The following BRD2 variants were observed in gnomAD, a reference collection of about 807,000 sequenced individuals.
BRD2 encodes bromodomain containing 2.
BRD2 carries 15 observed loss-of-function variants against 79.1 expected under a neutral mutation model. That is an observed-to-expected ratio of 0.19 (90% confidence interval 0.13 to 0.29). BRD2 has a LOEUF of 0.29. Ranked by LOEUF, BRD2 falls within the 10% of genes least tolerant of loss-of-function variation. The pLI is 1.00. For missense variants in BRD2, 1,053 were observed against 991.3 expected (o/e 1.06, Z -0.84); for synonymous variants, 488 against 358.6 (o/e 1.36, Z -4.08).
Position 32,969,059 on chromosome 6 carries a change from G to A in BRD2, c.-1305+3G>A. ...CCCTGGAAGGCTTTAGGATCCAGGT[G>A]AGAAGGGGCCCTTGTGGGGCGGAGA... On this transcript the variant is annotated splice_donor_region_variant and intron_variant, in intron 1 of 12. Coordinates refer to ENST00000374825, the MANE Select transcript of BRD2 (RefSeq NM_005104.4). The A allele has an allele frequency of 2.1e-6, 1 of 465,816 alleles. No homozygotes were observed. The highest frequency in any genetic ancestry group is 3.7e-5 in the South Asian group (1 of 27,166). 28.9% of individuals were successfully genotyped at this position (465,816 alleles called of 1,614,324 possible).
chr6:32,977,475 C>A lies in BRD2; in HGVS notation c.1234C>A (p.Gln412Lys). The A allele has an allele frequency of 6.2e-7, 1 of 1,614,000 alleles. No individual in the cohort carries two copies. Among genetic ancestry groups the A allele is most frequent in the Non-Finnish European group, 8.5e-7 (1 of 1,180,038 alleles). Residue 412 changes from glutamine to lysine, a missense_variant, in exon 8 of 13, where the codon CAG becomes AAG. Physicochemically the swap from Gln to Lys is moderately conservative, Grantham distance 53 (BLOSUM62 1). Around this residue, in one of 5 missense-constraint regions of BRD2, gnomAD observed 454 missense variants for 430.5 expected, o/e 1.05. Transcript: ENST00000374825. ...KMENRDYRDA[Q>K]EFAADVRLMF... Reference sequence around the variant, plus strand: ...GGAGAACCGTGATTACCGGGATGCACAGGAGTTTGCTGCTGATGTACGGCT... The same window carrying A: ...GGAGAACCGTGATTACCGGGATGCAAAGGAGTTTGCTGCTGATGTACGGCT...
At chr6:32,973,732 T>G (rs1582892968) in intron 2 of BRD2, among the ~76,000 whole-genome samples, 1 of 152,156 alleles carries the variant, frequency 6.6e-6, no homozygotes, top group African/African-American at 2.4e-5. Flanking sequence ...AAGGGGGCTA[T>G]CACTTGGTGA....
intron 10 of BRD2, 174 bp downstream of exon 10, chr6:32,978,562 C>G: frequency 9.5e-7 from 1 of 1,057,392 alleles, no homozygotes. Context: ...ACAGATTTTA[C>G]CACAGACAGG....
rs78300601 is a variant in BRD2 at position 32,980,944 on chromosome 6, C to G, written c.*226C>G. ...TCCCAGCCCCATTGGGGAGTGATCTCTTGGACACAGAGCCCCCATTCAAAA... is the reference window on the plus strand; with the variant it reads ...TCCCAGCCCCATTGGGGAGTGATCTGTTGGACACAGAGCCCCCATTCAAAA... On this transcript the variant is annotated 3_prime_UTR_variant, in exon 13 of 13. Transcript: ENST00000374825. 0.067 allele frequency: 38,965 copies of G among 584,202 alleles called. 2,100 individuals carry two copies. Among genetic ancestry groups the G allele is most frequent in the East Asian group, 0.18 (5,999 of 33,320 alleles). The allele number at this position is 584,202 out of a possible 1,614,324, so 36.2% of individuals were successfully genotyped here.
Position 32,980,873 on chromosome 6 carries a change from CAGGGACATTTACTGAAGG to C in BRD2, c.*164_*181del, listed in dbSNP as rs1454429059. 1.2e-6 allele frequency: 1 copy of C among 863,620 alleles called. No homozygotes were observed. Among genetic ancestry groups the C allele is most frequent in the East Asian group, 2.6e-5 (1 of 37,748 alleles). The allele number at this position is 863,620 out of a possible 1,614,324, so 53.5% of individuals were successfully genotyped here. On this transcript the variant is annotated 3_prime_UTR_variant, in exon 13 of 13. Coordinates refer to ENST00000374825, the MANE Select transcript of BRD2 (RefSeq NM_005104.4). ...CTGGCTCTGCAGTGGGGGAGGGATG[CAGGGACATTTACTGAAGG>C]AGGGACATGGACAAAACAACATTGA...
intron 7 of BRD2, 99 bp from the exon 8 acceptor site, chr6:32,977,343 T>C: frequency 2.5e-6 from 4 of 1,608,828 alleles, no homozygotes; most frequent in Non-Finnish European, 2.5e-6. Flanking sequence ...TCATCCCCAC[T>C]GTGCTCTCAA....
intron 10 of BRD2, chr6:32,978,887 G>C (rs1341839321): frequency 6.1e-6 from 1 of 163,154 alleles, no homozygotes; most frequent in African/African-American, 2.4e-5. Flanking sequence ...CTAGAAACAT[G>C]AAGATGGCTG....
In BRD2 at chr6:32,980,793, C is replaced by T. The variant is rs1284204216; in HGVS notation, c.*75C>T. ...ACCACCCTGCCCCACCTGCCCCTTC[C>T]CCCTTTGCTGTGACACTTCTTCATC... On this transcript the variant is annotated 3_prime_UTR_variant, in exon 13 of 13. Coordinates refer to ENST00000374825, the MANE Select transcript of BRD2 (RefSeq NM_005104.4). 35 of 1,558,192 alleles carry T rather than the reference C, an allele frequency of 2.2e-5. No homozygotes were observed. Among genetic ancestry groups the T allele is most frequent in the Non-Finnish European group, 3.0e-5 (34 of 1,138,890 alleles).
chr6:32,979,629 G>A, intron 10 of BRD2, 199 bp from the exon 11 acceptor site: 2 of 562,018 alleles, frequency 3.6e-6, no homozygotes, highest in East Asian at 5.7e-5. Flanking sequence ...TTAAAGACAT[G>A]TTATTGCCTA....
chr6:32,972,305 C>A lies in BRD2; in HGVS notation c.-594C>A. 2.5e-6 allele frequency: 1 copy of A among 397,406 alleles called. No homozygotes were observed. The highest frequency in any genetic ancestry group is 4.8e-6 in the Non-Finnish European group (1 of 208,610). 24.6% of individuals were successfully genotyped at this position (397,406 alleles called of 1,614,324 possible). A position where few individuals can be genotyped will look rare whatever the true frequency, so the allele number is the denominator to read the frequency against. On this transcript the variant is annotated 5_prime_UTR_variant, in exon 2 of 13. Coordinates refer to ENST00000374825, the MANE Select transcript of BRD2 (RefSeq NM_005104.4). ...GGCCGCCATTACAATCCACCTCCATCCGCTTGGAAATGGCCTTCGTCCCGG... is the reference window on the plus strand; with the variant it reads ...GGCCGCCATTACAATCCACCTCCATACGCTTGGAAATGGCCTTCGTCCCGG...
rs1778913765 is a variant in BRD2, at chr6:32,977,436, C to T, written c.1201-6C>T. 1.2e-6 allele frequency: 2 copies of T among 1,613,734 alleles called. No homozygotes were observed. Among genetic ancestry groups the T allele is most frequent in the African/African-American group, 2.7e-5 (2 of 74,920 alleles). ...GTGCAGCTTCTGATGCTGCCTCCTTCTGCAGCGGAAGATGGAGAACCGTGA... is the reference window on the plus strand; with the variant it reads ...GTGCAGCTTCTGATGCTGCCTCCTTTTGCAGCGGAAGATGGAGAACCGTGA... On this transcript the variant is annotated splice_region_variant and splice_polypyrimidine_tract_variant and intron_variant, in intron 7 of 12. Transcript: ENST00000374825.
chr6:32,972,486 T>G lies in BRD2; in HGVS notation c.-413T>G, dbSNP rs12234140. On this transcript the variant is annotated 5_prime_UTR_variant, in exon 2 of 13. Transcript: ENST00000374825. ...AGGCGGCGGCTCCCTAAACCACTTT[T>G]CGTGTTCATCCGCCTCCATCCGAGA... is the stretch of plus-strand genomic sequence containing the variant. 1.8e-3 allele frequency: 557 copies of G among 304,844 alleles called. 15 individuals are homozygous for G. The East Asian group carries it at 0.039, about 21-fold the overall frequency. The allele number at this position is 304,844 out of a possible 1,614,324, so 18.9% of individuals were successfully genotyped here.
chr6:32,973,892 C>T (rs147935966), intron 2 of BRD2, among the ~76,000 whole-genome samples: 1,929 of 152,148 alleles, frequency 0.013, 21 homozygotes, highest in African/African-American at 0.032. Flanking sequence ...TATGGTTCTT[C>T]CTCTGGGTTT....
Position 32,981,029 on chromosome 6 carries a change from G to A in BRD2, c.*311G>A, listed in dbSNP as rs1779480140. 4 of 360,796 alleles carry A rather than the reference G, an allele frequency of 1.1e-5. No homozygotes were observed. The highest frequency in any genetic ancestry group is 1.0e-5 in the Non-Finnish European group (2 of 191,570). The allele number at this position is 360,796 out of a possible 1,614,324, so 22.3% of individuals were successfully genotyped here. On this transcript the variant is annotated 3_prime_UTR_variant, in exon 13 of 13. Coordinates refer to ENST00000374825, the MANE Select transcript of BRD2 (RefSeq NM_005104.4). ...TGATCTGGAGTTACCTGAGGCCACAGCTGCCCTATTCACTTCTAAGGGCCC... is the reference window on the plus strand; with the variant it reads ...TGATCTGGAGTTACCTGAGGCCACAACTGCCCTATTCACTTCTAAGGGCCC...
At position 32,976,948 on chromosome 6, in the gene BRD2, A is replaced by G. The variant is rs774976624; in HGVS notation, c.1200+12A>G. The G allele has an allele frequency of 9.4e-6, 15 of 1,590,846 alleles. No homozygotes were observed. The highest frequency in any genetic ancestry group is 2.2e-5 in the East Asian group (1 of 44,596). On this transcript the variant is annotated intron_variant, in intron 7 of 12. Transcript: ENST00000374825. The stretch of plus-strand genomic sequence containing the variant: ...TCAGCACTGTCAAGGTACCCACTGC[A>G]TGGGGCAGATGGGATGCTCAGGCAG...
intron 3 of BRD2, chr6:32,975,033 G>A (rs1561937778): frequency 6.6e-7 from 1 of 1,525,448 alleles, no homozygotes; most frequent in Non-Finnish European, 8.8e-7. Flanking sequence ...TCCCACCTCG[G>A]GTTGGGAGAG....
intron 1 of BRD2, 62 bp downstream of exon 1, chr6:32,969,118 C>A: frequency 1.9e-6 from 1 of 531,556 alleles, no homozygotes; most frequent in Non-Finnish European, 3.4e-6. Flanking sequence ...GGTGGGGAGT[C>A]CGGGAGGGGG....
chr6:32,974,828 G>T, intron 3 of BRD2, 63 bp downstream of exon 3: 2 of 1,564,260 alleles, frequency 1.3e-6, no homozygotes, highest in South Asian at 2.3e-5. Flanking sequence ...GAATGGGGGT[G>T]GTCTGCCTAG....
chr6:32,977,362 T>C, intron 7 of BRD2, 80 bp from the exon 8 acceptor site: 3 of 1,611,150 alleles, frequency 1.9e-6, no homozygotes, highest in Non-Finnish European at 2.5e-6. Context: ...AAGAGAGGGC[T>C]CTTCTTGTGG....
Sources: gnomAD v4.1 joint callset for allele counts (sites outside exome capture counted in the v4.1 genomes callset) on GRCh38, gnomAD v4.1.1 for gene constraint, gnomAD v4.1.1 regional missense constraint, MANE v1.5 for transcripts, NCBI Gene and HGNC (gene_info 2026-07-23, HGNC 2026-07-21) for gene names.